KCNIP4: variants seen among roughly 807,000 people sequenced by gnomAD.
KCNIP4 encodes the protein Kv channel-interacting protein 4.
In KCNIP4, 12 loss-of-function variants were observed where a neutral mutation model predicts 34.0. That is an observed-to-expected ratio of 0.35 (90% CI 0.23 to 0.57). The LOEUF (loss-of-function observed/expected upper bound fraction) is 0.57, where lower values mean the gene tolerates loss of function less well. Among genes scored for constraint, KCNIP4 ranks in the 20% least tolerant of loss-of-function variants. The pLI, the probability that KCNIP4 is intolerant of heterozygous loss-of-function variation, is 0.83. For missense variants in KCNIP4, 238 were observed against 311.7 expected (o/e 0.76, Z 1.78); for synonymous variants, 124 against 102.2 (o/e 1.21, Z -1.29).
chr4:21,849,561 T>C (rs546702914), intron 1 of KCNIP4: 1 of 152,158 alleles, frequency 6.6e-6, no homozygotes, highest in East Asian at 1.9e-4. Flanking sequence ...AAAAAATCAA[T>C]CCAAAATATT....
At chr4:21,767,948 A>T (rs1348882988) in intron 1 of KCNIP4, among the ~76,000 whole-genome samples, 2 of 152,086 alleles carry the variant, frequency 1.3e-5, no homozygotes, top group East Asian at 3.9e-4. Context: ...AATCCCCTAA[A>T]GGAAGAAGAG....
intron 1 of KCNIP4, among the ~76,000 whole-genome samples, chr4:21,760,339 G>A (rs1717960256): frequency 6.6e-6 from 1 of 152,012 alleles, no homozygotes. Flanking sequence ...TAATAACCAT[G>A]CCAAGAAAAT....
chr4:21,023,856 T>C (rs1160770492), intron 1 of KCNIP4, among the ~76,000 whole-genome samples: 1 of 152,004 alleles, frequency 6.6e-6, no homozygotes, highest in Non-Finnish European at 1.5e-5. Flanking sequence ...CACTCCAGCC[T>C]GGGCAACCGA....
At chr4:20,972,114 A>G (rs1048853033) in intron 1 of KCNIP4, among the ~76,000 whole-genome samples, 4 of 152,098 alleles carry the variant, frequency 2.6e-5, no homozygotes, top group African/African-American at 9.7e-5. Flanking sequence ...TGCTATTTCC[A>G]CCACATTTAC....
At chr4:21,207,858 T>C (rs1182958018) in intron 1 of KCNIP4, among the ~76,000 whole-genome samples, 1 of 150,142 alleles carries the variant, frequency 6.7e-6, no homozygotes, top group Non-Finnish European at 1.5e-5. Flanking sequence ...TTTTTTTTTT[T>C]CTGAGACATA....
intron 1 of KCNIP4, among the ~76,000 whole-genome samples, chr4:21,480,373 T>C (rs534208316): frequency 6.6e-6 from 1 of 152,222 alleles, no homozygotes; most frequent in African/African-American, 2.4e-5. Flanking sequence ...AAAACACGAA[T>C]CTTTTGTCAA....
At chr4:21,119,626 TC>T (rs2065187574) in intron 1 of KCNIP4, among the ~76,000 whole-genome samples, 1 of 151,948 alleles carries the variant, frequency 6.6e-6, no homozygotes, top group African/African-American at 2.4e-5. Context: ...ATAATGCCTT[TC>T]CCCACTGCCT....
At chr4:21,023,613 C>T (rs1314778687) in intron 1 of KCNIP4, among the ~76,000 whole-genome samples, 1 of 152,048 alleles carries the variant, frequency 6.6e-6, no homozygotes, top group Non-Finnish European at 1.5e-5. Flanking sequence ...AAATCAAACT[C>T]ACAATGAGGG....
intron 1 of KCNIP4, among the ~76,000 whole-genome samples, chr4:21,617,686 G>C (rs190668892): frequency 2.0e-3 from 297 of 152,282 alleles, no homozygotes; most frequent in African/African-American, 6.8e-3. Flanking sequence ...CAAGAGAAAA[G>C]CTTCTGTGAA....
chr4:21,552,646 T>G (rs1023233762), intron 1 of KCNIP4, among the ~76,000 whole-genome samples: 1 of 152,112 alleles, frequency 6.6e-6, no homozygotes, highest in African/African-American at 2.4e-5. Context: ...TAAAGCGGGA[T>G]AGAGGTTGAG....
chr4:20,922,925 TAC>T (rs1386065090), intron 1 of KCNIP4, among the ~76,000 whole-genome samples: 3 of 152,098 alleles, frequency 2.0e-5, no homozygotes, highest in Non-Finnish European at 4.4e-5. Context: ...CTTATAAAAA[TAC>T]AGTTTTTTAC....
chr4:21,858,452 A>G (rs971878), intron 1 of KCNIP4, among the ~76,000 whole-genome samples: 149,055 of 152,320 alleles, frequency 0.98, 73,018 homozygotes, highest in East Asian at 1. Flanking sequence ...AAAGTGTCTC[A>G]GCTTTCTCTG....
At chr4:20,962,743 T>C (rs1733969968) in intron 1 of KCNIP4, among the ~76,000 whole-genome samples, 1 of 152,056 alleles carries the variant, frequency 6.6e-6, no homozygotes, top group Non-Finnish European at 1.5e-5. Flanking sequence ...TGCTGAAAAA[T>C]ATGTGAAGAA....
intron 1 of KCNIP4, among the ~76,000 whole-genome samples, chr4:21,327,346 C>T (rs1715189441): frequency 6.6e-6 from 1 of 152,030 alleles, no homozygotes; most frequent in Non-Finnish European, 1.5e-5. Context: ...AAATTTCCTT[C>T]AGCACTTTAA....
In KCNIP4 at chr4:21,919,402, G is replaced by A. The variant is rs118126076; in HGVS notation, c.61+29169C>T. 2.6e-5 allele frequency among the ~76,000 whole-genome samples: 4 copies of A among 152,266 alleles called. No individual in the cohort carries two copies. The East Asian group carries it at 7.7e-4, about 29-fold the overall frequency. On this transcript the variant is annotated intron_variant, in intron 1 of 8. Coordinates refer to ENST00000382152, the MANE Select transcript of KCNIP4 (RefSeq NM_025221.6). ...GAAACTTGGGATGGTCACCCTCAAG[G>A]AGAGGGTAAGCACATTCTAAGTAGC... is the stretch of plus-strand genomic sequence containing the variant.
intron 3 of KCNIP4, among the ~76,000 whole-genome samples, chr4:20,780,134 G>A (rs1756743555): frequency 6.6e-6 from 1 of 152,126 alleles, no homozygotes; most frequent in Admixed American, 6.6e-5. Flanking sequence ...AGACTAAGAA[G>A]GGCTGGTGAT....
intron 1 of KCNIP4, among the ~76,000 whole-genome samples, chr4:21,582,753 A>T (rs1374501015): frequency 2.6e-5 from 4 of 151,982 alleles, no homozygotes; most frequent in Admixed American, 6.6e-5. Context: ...TAAACTATGA[A>T]CACTGGACAC....
At chr4:21,399,271 C>T (rs1343782060) in intron 1 of KCNIP4, among the ~76,000 whole-genome samples, 2 of 152,140 alleles carry the variant, frequency 1.3e-5, no homozygotes, top group African/African-American at 2.4e-5. Flanking sequence ...CAAAGAGGGC[C>T]AATGAGGCAT....
At chr4:21,814,679 G>A (rs533915685) in intron 1 of KCNIP4, among the ~76,000 whole-genome samples, 1 of 152,254 alleles carries the variant, frequency 6.6e-6, no homozygotes, top group East Asian at 1.9e-4. Flanking sequence ...AAGAGCAAAA[G>A]GCTGAAGAGG....
Sources: allele counts gnomAD v4.1 joint callset (sites outside exome capture counted in the v4.1 genomes callset), GRCh38; gene constraint gnomAD v4.1.1; transcripts MANE v1.5; gene names NCBI Gene and HGNC (gene_info 2026-07-23, HGNC 2026-07-21).